PCDHGA12: variants seen among roughly 807,000 people sequenced by gnomAD.
PCDHGA12 encodes the protein protocadherin gamma subfamily A, 12, also known as protocadherin gamma-A12.
In PCDHGA12, 43 loss-of-function variants were observed where a neutral mutation model predicts 61.1. The observed-to-expected ratio is 0.70, with a 90% CI of 0.55 to 0.91. The LOEUF is 0.91. PCDHGA12 is among the 40% of genes least tolerant of loss of function. The probability of loss-of-function intolerance (pLI) is 0.00; values close to 1 mark genes in which losing one functional copy is unlikely to be tolerated. For missense variants in PCDHGA12, 1,236 were observed against 1,227.7 expected (o/e 1.01, Z -0.10); for synonymous variants, 520 against 542.9 (o/e 0.96, Z 0.59).
chr5:141,462,183 C>A (rs1439465872), intron 1 of PCDHGA12, among the ~76,000 whole-genome samples: 1 of 152,158 alleles, frequency 6.6e-6, no homozygotes. Flanking sequence ...TGGTCTTGAA[C>A]TCCTGACCTC....
At chr5:141,463,955 A>G (rs2154568299) in intron 1 of PCDHGA12, among the ~76,000 whole-genome samples, 1 of 152,288 alleles carries the variant, frequency 6.6e-6, no homozygotes, top group Middle Eastern at 3.4e-3. Flanking sequence ...CTTCATTTTT[A>G]AAATAGCTTC....
rs1456176347 is a variant in PCDHGA12 at position 141,510,961 on chromosome 5, A to G, written c.2587A>G (p.Ser863Gly). 2 of 1,613,986 alleles carry G rather than the reference A, an allele frequency of 1.2e-6. No individual in the cohort carries two copies. Among genetic ancestry groups the G allele is most frequent in the Non-Finnish European group, 1.7e-6 (2 of 1,179,962 alleles). ...TGTCTCTGCAGAAGCTGCTGATGGG[A>G]GCTCCACCCTGGGAGGGGGTGCCGG... is the stretch of plus-strand genomic sequence containing the variant. Reference protein sequence around the residue: ...LASASEAADGSSTLGGGAGTM... With the variant: ...LASASEAADGGSTLGGGAGTM... Residue 863 changes from serine (S) to glycine (G), a missense_variant, in exon 4 of 4, where the codon AGC (serine) becomes GGC (glycine). Physicochemically the swap from Ser to Gly is moderately conservative, Grantham distance 56. Coordinates refer to ENST00000252085, the MANE Select transcript of PCDHGA12 (RefSeq NM_003735.3).
chr5:141,437,794 G>C (rs1162440523), intron 1 of PCDHGA12, among the ~76,000 whole-genome samples: 1 of 150,526 alleles, frequency 6.6e-6, no homozygotes, highest in Non-Finnish European at 1.5e-5. Context: ...CTGGAGTGCA[G>C]TGGCACTATC....
At position 141,489,969 on chromosome 5, in the gene PCDHGA12, A is replaced by C. The variant is rs746202385; in HGVS notation, c.2425-4838A>C. On this transcript the variant is annotated intron_variant, in intron 1 of 3. Coordinates refer to ENST00000252085, the MANE Select transcript of PCDHGA12 (RefSeq NM_003735.3). This position sits in a 1 kb window ranked among gnomAD's most constrained non-coding sequence, Gnocchi z 4.5. The stretch of plus-strand genomic sequence containing the variant: ...TCAATGATAATGCTCCAACCTTCCA[A>C]TCCTCAGTTCTACGTGTGGGAATCC... 4 of 1,614,008 alleles carry C rather than the reference A, an allele frequency of 2.5e-6. No individual in the cohort carries two copies.
Position 141,431,910 on chromosome 5 carries a change from G to A in PCDHGA12, c.1151G>A (p.Cys384Tyr). The A allele has an allele frequency of 6.2e-7, 1 of 1,614,096 alleles. No individual in the cohort carries two copies. Among genetic ancestry groups the A allele is most frequent in the Non-Finnish European group, 8.5e-7 (1 of 1,179,934 alleles). Residue 384 changes from cysteine (C) to tyrosine (Y), a missense_variant, in exon 1 of 4, where the codon TGT becomes TAT. Transcript: ENST00000252085. This position sits in a 1 kb window ranked among gnomAD's most constrained non-coding sequence, Gnocchi z 4.8. ...TCTGAGGAAAACGGACAGGTGATCTGTTTCATCCAAGGAAATCTGCCCTTT... is the reference window on the plus strand; with the variant it reads ...TCTGAGGAAAACGGACAGGTGATCTATTTCATCCAAGGAAATCTGCCCTTT... Reference protein sequence around the residue: ...QDSEENGQVICFIQGNLPFKL... With the variant: ...QDSEENGQVIYFIQGNLPFKL...
intron 2 of PCDHGA12, 84 bp downstream of exon 2, chr5:141,494,949 C>A (rs1193148622): frequency 6.2e-7 from 1 of 1,606,850 alleles, no homozygotes; most frequent in Non-Finnish European, 8.5e-7. Context: ...GAGGGCCCAG[C>A]ATTTGCTACA....
At chr5:141,433,732 G>A (rs1181042854) in intron 1 of PCDHGA12, among the ~76,000 whole-genome samples, 2 of 151,886 alleles carry the variant, frequency 1.3e-5, no homozygotes, top group Non-Finnish European at 2.9e-5. Flanking sequence ...AGCTACTTGG[G>A]AGGCTGAGTC....
intron 1 of PCDHGA12, among the ~76,000 whole-genome samples, chr5:141,458,992 C>G (rs1268862644): frequency 6.6e-6 from 1 of 152,190 alleles, no homozygotes; most frequent in African/African-American, 2.4e-5. Flanking sequence ...CTCACCCTCC[C>G]AAAGTGCTGG....
At chr5:141,449,837 T>A (rs917239289) in intron 1 of PCDHGA12, among the ~76,000 whole-genome samples, 3 of 151,742 alleles carry the variant, frequency 2.0e-5, no homozygotes, top group Non-Finnish European at 4.4e-5. Context: ...TTCTTTTATA[T>A]AATTAAATTT....
At chr5:141,470,025 A>T (rs2099219670) in intron 1 of PCDHGA12, among the ~76,000 whole-genome samples, 1 of 152,156 alleles carries the variant, frequency 6.6e-6, no homozygotes, top group African/African-American at 2.4e-5. Context: ...GCTACTCGGG[A>T]TGCTGAGGCG....
At chr5:141,452,858 T>C (rs904455495) in intron 1 of PCDHGA12, among the ~76,000 whole-genome samples, 1 of 152,202 alleles carries the variant, frequency 6.6e-6, no homozygotes. Flanking sequence ...GGGGAGATGA[T>C]TTTCTAACTC....
intron 2 of PCDHGA12, among the ~76,000 whole-genome samples, chr5:141,501,728 C>A (rs1284130771): frequency 1.3e-5 from 2 of 152,134 alleles, no homozygotes; most frequent in East Asian, 1.9e-4. Flanking sequence ...ATATATTACC[C>A]AGTCAGCTTA....
intron 2 of PCDHGA12, among the ~76,000 whole-genome samples, chr5:141,496,279 G>C (rs902362885): frequency 1.3e-5 from 2 of 152,198 alleles, no homozygotes; most frequent in Non-Finnish European, 2.9e-5. Context: ...ACCTTCAGTT[G>C]GTCTGAGCAG....
chr5:141,467,781 C>T (rs2099151581), intron 1 of PCDHGA12, among the ~76,000 whole-genome samples: 1 of 152,228 alleles, frequency 6.6e-6, no homozygotes, highest in South Asian at 2.1e-4. Context: ...ACCTCAGCCT[C>T]TCAAGTAGCT....
chr5:141,487,857 T>A lies in PCDHGA12; in HGVS notation c.2425-6950T>A. Reference sequence around the variant, plus strand: ...TATCTGAGTAAGAAATGAAAGTAATTGGTGATCAAGAGCCAGGCTGTTGTG... The same window carrying A: ...TATCTGAGTAAGAAATGAAAGTAATAGGTGATCAAGAGCCAGGCTGTTGTG... On this transcript the variant is annotated intron_variant, in intron 1 of 3. Coordinates refer to ENST00000252085, the MANE Select transcript of PCDHGA12 (RefSeq NM_003735.3). The surrounding 1 kb of genome is among the most constrained non-coding windows in gnomAD (Gnocchi z 5.0). The A allele has an allele frequency of 1.0e-6, 1 of 964,674 alleles. No individual in the cohort carries two copies. Among genetic ancestry groups the A allele is most frequent in the Non-Finnish European group, 1.5e-6 (1 of 659,920 alleles). 59.8% of individuals were successfully genotyped at this position (964,674 alleles called of 1,614,324 possible). A position where few individuals can be genotyped will look rare whatever the true frequency, so the allele number is the denominator to read the frequency against.
At chr5:141,470,734 G>A (rs970003510) in intron 1 of PCDHGA12, among the ~76,000 whole-genome samples, 1 of 152,128 alleles carries the variant, frequency 6.6e-6, no homozygotes, top group Non-Finnish European at 1.5e-5. Context: ...GTCTTGCTCT[G>A]TCGCCCTGGC....
intron 1 of PCDHGA12, chr5:141,478,628 T>G (rs1245431927): frequency 6.4e-7 from 1 of 1,553,704 alleles, no homozygotes; most frequent in African/African-American, 1.4e-5. Context: ...GAGCTGTTTT[T>G]TTAGTGATGA....
chr5:141,476,417 C>A lies in PCDHGA12; in HGVS notation c.2425-18390C>A. ...GGATCGAGAGGAGCTGTGTGGGACA[C>A]TGCCCTCTTGCACTGTAACTCTGGA... is the stretch of plus-strand genomic sequence containing the variant. On this transcript the variant is annotated intron_variant, in intron 1 of 3. Coordinates refer to ENST00000252085, the MANE Select transcript of PCDHGA12 (RefSeq NM_003735.3). This position sits in a 1 kb window ranked among gnomAD's most constrained non-coding sequence, Gnocchi z 7.6. The A allele has an allele frequency of 6.2e-7, 1 of 1,614,112 alleles. No homozygotes were observed. The highest frequency in any genetic ancestry group is 8.5e-7 in the Non-Finnish European group (1 of 1,179,994).
At chr5:141,433,343 G>A (rs1591274674) in intron 1 of PCDHGA12, 160 bp downstream of exon 1, 1 of 630,308 alleles carries the variant, frequency 1.6e-6, no homozygotes, top group Admixed American at 3.0e-5. Flanking sequence ...ACAGGTGCAA[G>A]CCACCTACTG....
Sources: gnomAD v4.1 joint callset for allele counts (sites outside exome capture counted in the v4.1 genomes callset) on GRCh38, gnomAD v4.1.1 for gene constraint, Gnocchi (gnomAD v3.1) non-coding constraint, MANE v1.5 for transcripts, NCBI Gene and HGNC (gene_info 2026-07-23, HGNC 2026-07-21) for gene names.